The following CTIF variants were observed in gnomAD, a reference collection of about 807,000 sequenced individuals.
CTIF encodes CBP80/20-dependent translation initiation factor.
Under a neutral mutation model 66.0 loss-of-function variants are expected in CTIF, and 21 were observed. The observed-to-expected ratio is 0.32, with a 90% CI of 0.23 to 0.46. The LOEUF (loss-of-function observed/expected upper bound fraction) is 0.46. CTIF is among the 20% of genes least tolerant of loss of function. The probability of loss-of-function intolerance (pLI) is 1.00; values close to 1 mark genes in which losing one functional copy is unlikely to be tolerated. For synonymous variants in CTIF, 345 were observed against 326.4 expected (o/e 1.06, Z -0.62); for missense variants, 739 against 812.7 (o/e 0.91, Z 1.10).
Position 48,761,321 on chromosome 18 carries a change from C to T in CTIF, c.1072-69C>T, listed in dbSNP as rs1568196158. 6.7e-7 allele frequency: 1 copy of T among 1,500,810 alleles called. No individual in the cohort carries two copies. Among genetic ancestry groups the T allele is most frequent in the Non-Finnish European group, 9.1e-7 (1 of 1,103,970 alleles). 93.0% of individuals were successfully genotyped at this position (1,500,810 alleles called of 1,614,324 possible). On this transcript the variant is annotated intron_variant, in intron 8 of 11. Transcript: ENST00000256413. This position sits in a 1 kb window ranked among gnomAD's most constrained non-coding sequence, Gnocchi z 4.2. The stretch of plus-strand genomic sequence containing the variant: ...TTTCTGGGGGTGGCCACCCTCTTTC[C>T]ACCAGGCCACCCCTGCACAGAGACC...
chr18:48,557,907 A>G (rs1231824646), intron 1 of CTIF, among the ~76,000 whole-genome samples: 1 of 152,256 alleles, frequency 6.6e-6, no homozygotes, highest in Non-Finnish European at 1.5e-5. Flanking sequence ...CCCCACCCTT[A>G]GGACCACACT....
chr18:48,663,773 CTGGACATGCTGGGCA>C lies in CTIF; in HGVS notation c.275_289del (p.Leu92_Thr97delinsPro). ...CCAGAATGGCAGCAAAGACAACTCT[CTGGACATGCTGGGCA>C]CGGACATCTGGGCGGCCAACACCTT... On this transcript the variant is annotated inframe_deletion, in exon 4 of 12. Transcript: ENST00000256413. 1 of 1,614,144 alleles carries C rather than the reference CTGGACATGCTGGGCA, an allele frequency of 6.2e-7. No individual in the cohort carries two copies. The highest frequency in any genetic ancestry group is 2.2e-5 in the East Asian group (1 of 44,882).
intron 3 of CTIF, among the ~76,000 whole-genome samples, chr18:48,656,501 C>T (rs1264971364): frequency 6.6e-6 from 1 of 152,116 alleles, no homozygotes; most frequent in Non-Finnish European, 1.5e-5. Context: ...TATTCTTGGC[C>T]CTTTTAGGAG....
intron 10 of CTIF, among the ~76,000 whole-genome samples, chr18:48,847,769 G>C (rs1195705186): frequency 1.3e-5 from 2 of 152,254 alleles, no homozygotes; most frequent in African/African-American, 4.8e-5. Context: ...CTGAGATGCA[G>C]AGTGATTAAG....
chr18:48,814,823 G>A (rs936275293), intron 9 of CTIF, among the ~76,000 whole-genome samples: 3 of 152,170 alleles, frequency 2.0e-5, no homozygotes, highest in Non-Finnish European at 4.4e-5. Context: ...CTACTTGCGG[G>A]GTCCCTGGAG....
Position 48,600,309 on chromosome 18 carries a change from G to A in CTIF, c.-28-19229G>A, listed in dbSNP as rs148364943. 2.4e-3 allele frequency among the ~76,000 whole-genome samples: 359 copies of A among 152,260 alleles called. 2 individuals carry two copies. The highest frequency in any genetic ancestry group is 8.0e-3 in the African/African-American group (333 of 41,550). On this transcript the variant is annotated intron_variant, in intron 1 of 11. Transcript: ENST00000256413. ...TCAGGAACTTCCTGAAGGTCATGTG[G>A]CGGTGGCGATGAGCTCCGAAGCCTG...
chr18:48,557,206 C>T (rs762180416), intron 1 of CTIF, among the ~76,000 whole-genome samples: 2 of 152,074 alleles, frequency 1.3e-5, no homozygotes, highest in East Asian at 1.9e-4. Context: ...AGAAACAGTA[C>T]CTTGAAGGCC....
At chr18:48,647,435 G>A (rs1231105071) in intron 3 of CTIF, among the ~76,000 whole-genome samples, 2 of 152,100 alleles carry the variant, frequency 1.3e-5, no homozygotes, top group Admixed American at 6.5e-5. Flanking sequence ...CTTTTGCTCT[G>A]GGAAGGATCG....
At chr18:48,757,199 C>T (rs771527489) in intron 7 of CTIF, among the ~76,000 whole-genome samples, 17 of 152,112 alleles carry the variant, frequency 1.1e-4, no homozygotes, top group Admixed American at 5.9e-4. Flanking sequence ...CTAACAGCCT[C>T]GTTTAATTTA....
intron 10 of CTIF, among the ~76,000 whole-genome samples, chr18:48,849,548 A>G (rs907144565): frequency 6.7e-6 from 1 of 150,314 alleles, no homozygotes; most frequent in African/African-American, 2.5e-5. Flanking sequence ...ACATACATAT[A>G]CATATAACAT....
chr18:48,807,452 TA>T (rs996520947), intron 9 of CTIF, among the ~76,000 whole-genome samples: 7 of 152,056 alleles, frequency 4.6e-5, no homozygotes, highest in South Asian at 2.1e-4. Context: ...TCTTTCTTTT[TA>T]AAAAAAACTC....
At chr18:48,718,619 G>A (rs2092304002) in intron 7 of CTIF, among the ~76,000 whole-genome samples, 1 of 152,092 alleles carries the variant, frequency 6.6e-6, no homozygotes, top group South Asian at 2.1e-4. Context: ...TTCTGTTTGG[G>A]CCCTTGGCGG....
rs768333677 is a variant in CTIF, at chr18:48,670,711, G to A, written c.474G>A (p.Leu158=). 16 of 1,614,180 alleles carry A rather than the reference G, an allele frequency of 9.9e-6. No homozygotes were observed. The highest frequency in any genetic ancestry group is 1.3e-5 in the African/African-American group (1 of 75,062). Residue 158 remains leucine (L), a synonymous_variant, in exon 6 of 12, where the codon CTG becomes CTA. Transcript: ENST00000256413. ...TGGAAGATGGGGATGGCATCAACCT[G>A]AATGACATCGAGAAGGTCCTTCCAG... ...GKLEDGDGIN[L]NDIEKVLPAW...
At chr18:48,573,489 C>T (rs1017904995) in intron 1 of CTIF, among the ~76,000 whole-genome samples, 1 of 152,176 alleles carries the variant, frequency 6.6e-6, no homozygotes, top group African/African-American at 2.4e-5. Flanking sequence ...CACTGATGTA[C>T]AGTGTGTACA....
chr18:48,838,591 G>C (rs2068865482), intron 10 of CTIF, among the ~76,000 whole-genome samples: 1 of 152,160 alleles, frequency 6.6e-6, no homozygotes, highest in South Asian at 2.1e-4. Flanking sequence ...TGCACACTTG[G>C]GTGGGCTCAA....
At chr18:48,832,173 C>T (rs868065519) in intron 10 of CTIF, among the ~76,000 whole-genome samples, 1 of 128,286 alleles carries the variant, frequency 7.8e-6, no homozygotes, top group Non-Finnish European at 1.6e-5. Flanking sequence ...CGTGGTCCTT[C>T]TTTTTTTTTT....
At chr18:48,563,632 T>A (rs533699095) in intron 1 of CTIF, among the ~76,000 whole-genome samples, 2 of 152,202 alleles carry the variant, frequency 1.3e-5, no homozygotes, top group Non-Finnish European at 2.9e-5. Flanking sequence ...CCACCACACC[T>A]GGCTAATTTT....
intron 10 of CTIF, among the ~76,000 whole-genome samples, chr18:48,837,162 G>A (rs1187669508): frequency 2.0e-5 from 3 of 152,114 alleles, no homozygotes; most frequent in East Asian, 1.9e-4. Flanking sequence ...CTCCTTTCCC[G>A]GGGCCTCCCA....
chr18:48,730,589 G>T (rs1296007929), intron 7 of CTIF, among the ~76,000 whole-genome samples: 1 of 50,300 alleles, frequency 2.0e-5, no homozygotes, highest in African/African-American at 6.9e-5. Flanking sequence ...GGGCCCCTGT[G>T]GTGTGAGGGG....
Sources: gnomAD v4.1 joint callset for allele counts (sites outside exome capture counted in the v4.1 genomes callset) on GRCh38, gnomAD v4.1.1 for gene constraint, Gnocchi (gnomAD v3.1) non-coding constraint, MANE v1.5 for transcripts, NCBI Gene and HGNC (gene_info 2026-07-23, HGNC 2026-07-21) for gene names.